The following CDV3 variants were observed in gnomAD, a reference collection of about 807,000 sequenced individuals.
CDV3 encodes the protein CDV3 homolog.
Under a neutral mutation model 24.5 loss-of-function variants are expected in CDV3, and 14 were observed. The observed-to-expected ratio is 0.57, with a 90% CI of 0.38 to 0.89. The LOEUF is 0.89. Ranked by LOEUF, CDV3 falls within the 40% of genes least tolerant of loss-of-function variation. The pLI is 0.00. For missense variants in CDV3, 304 were observed against 310.2 expected (o/e 0.98, Z 0.15); for synonymous variants, 114 against 114.1 (o/e 1.00, Z 0.00).
Position 133,574,199 on chromosome 3 carries a change from C to T in CDV3, c.155C>T (p.Ala52Val), listed in dbSNP as rs915603108. 40 of 1,016,428 alleles carry T rather than the reference C, an allele frequency of 3.9e-5. No individual in the cohort carries two copies. The highest frequency in any genetic ancestry group is 4.3e-5 in the Non-Finnish European group (37 of 854,996). The allele number at this position is 1,016,428 out of a possible 1,614,324, so 63.0% of individuals were successfully genotyped here. A position where few individuals can be genotyped will look rare whatever the true frequency, so the allele number is the denominator to read the frequency against. ...SGAAGAAGGG[A>V]GAGTRPGDGG... ...GCCGCGGGTGCGGCGGGCGGCGGGG[C>T]GGGCGCGGGGACCCGGCCGGGTGAC... Residue 52 changes from alanine to valine, a missense_variant, in exon 1 of 5, where the codon GCG (alanine) becomes GTG (valine). Physicochemically the swap from Ala to Val is moderately conservative, Grantham distance 64 (BLOSUM62 0). Around this residue, in one of 3 missense-constraint regions of CDV3, gnomAD observed 219 missense variants for 203.6 expected, o/e 1.08. Transcript: ENST00000264993.
rs774338355 is a variant in CDV3 at position 133,586,713 on chromosome 3, A to T, written c.617A>T (p.Glu206Val). 9.4e-6 allele frequency: 15 copies of T among 1,590,384 alleles called. No homozygotes were observed. Among genetic ancestry groups the T allele is most frequent in the Non-Finnish European group, 1.2e-5 (14 of 1,158,722 alleles). ...CTGCAGTCAACTGCCAAGCATGTAG[A>T]AAGCCGGAAGTAAGTACTATAATTA... ...PSLQSTAKHV[E>V]SRKDKEMEKS... The change falls in exon 4 of 5, where the codon GAA (glutamate) becomes GTA (valine). Residue 206 changes from glutamate to valine, a missense_variant. Transcript: ENST00000264993.
At chr3:133,582,700 C>T (rs554101324) in intron 2 of CDV3, among the ~76,000 whole-genome samples, 1 of 151,916 alleles carries the variant, frequency 6.6e-6, no homozygotes, top group African/African-American at 2.4e-5. Flanking sequence ...GGGAACCAGC[C>T]TTTTTTTTAT....
chr3:133,583,937 C>CG (rs1933323027), intron 2 of CDV3, 65 bp from the exon 3 acceptor site: 1 of 1,190,908 alleles, frequency 8.4e-7, no homozygotes, highest in African/African-American at 1.5e-5. Flanking sequence ...ATGGATAAAA[C>CG]TAACGATTTG....
At chr3:133,585,609 C>T (rs1179055431) in intron 3 of CDV3, among the ~76,000 whole-genome samples, 1 of 152,074 alleles carries the variant, frequency 6.6e-6, no homozygotes, top group African/African-American at 2.4e-5. Context: ...ATTCTCCTGC[C>T]TCAGCCTCCC....
intron 2 of CDV3, among the ~76,000 whole-genome samples, chr3:133,575,493 A>G (rs2074770772): frequency 6.6e-6 from 1 of 152,236 alleles, no homozygotes. Context: ...GCAAGTGAAT[A>G]TATGTTTTTG....
chr3:133,574,241 C>CG lies in CDV3; in HGVS notation c.202dup (p.Ala68GlyfsTer17). The CG allele has an allele frequency of 2.0e-6, 2 of 991,460 alleles. No homozygotes were observed. The highest frequency in any genetic ancestry group is 2.4e-6 in the Non-Finnish European group (2 of 835,022). The allele number at this position is 991,460 out of a possible 1,614,324, so 61.4% of individuals were successfully genotyped here. On this transcript the variant is annotated frameshift_variant, in exon 1 of 5. Transcript: ENST00000264993. LOFTEE classifies it high-confidence loss of function. ...CCGGGTGACGGCGGGACCGCCAGCGCGGGGGCTGCGGGCCCAGGGGCCGCC... is the reference window on the plus strand; with the variant it reads ...CCGGGTGACGGCGGGACCGCCAGCGCGGGGGGCTGCGGGCCCAGGGGCCGCC...
At chr3:133,574,704 C>G (rs1020008261) in intron 1 of CDV3, 3 of 1,094,044 alleles carry the variant, frequency 2.7e-6, no homozygotes, top group African/African-American at 1.7e-5. Flanking sequence ...GACTTAGTCT[C>G]TAAGCCCGTG....
At chr3:133,587,629 CA>C in intron 4 of CDV3, 1 of 1,165,446 alleles carries the variant, frequency 8.6e-7, no homozygotes, top group Non-Finnish European at 1.1e-6. Context: ...CAGCTTTTAA[CA>C]GTTTTCTTCA....
At position 133,574,167 on chromosome 3, in the gene CDV3, C is replaced by A; in HGVS notation, c.123C>A (p.Ser41Arg). The change falls in exon 1 of 5, where the codon AGC becomes AGA. Residue 41 changes from serine to arginine, a missense_variant. By Grantham distance (110) the Ser-to-Arg change is moderately radical. Around this residue, in one of 3 missense-constraint regions of CDV3, gnomAD observed 219 missense variants for 203.6 expected, o/e 1.08. Coordinates refer to ENST00000264993, the MANE Select transcript of CDV3 (RefSeq NM_017548.5). The stretch of plus-strand genomic sequence containing the variant: ...GCGCAGCGGGCAGCGCCGGCGGAAG[C>A]AGTGGAGCCGCGGGTGCGGCGGGCG... ...AAGAAGSAGG[S>R]SGAAGAAGGG... 3 of 1,106,698 alleles carry A rather than the reference C, an allele frequency of 2.7e-6. No homozygotes were observed. The highest frequency in any genetic ancestry group is 8.7e-5 in the East Asian group (1 of 11,448). 68.6% of individuals were successfully genotyped at this position (1,106,698 alleles called of 1,614,324 possible).
intron 1 of CDV3, chr3:133,574,774 A>G (rs3821508): frequency 0.61 from 669,552 of 1,091,856 alleles, 214,399 homozygotes; most frequent in East Asian, 0.65. Context: ...TGAAATTCCT[A>G]TTGACTTCTT....
intron 2 of CDV3, among the ~76,000 whole-genome samples, chr3:133,577,142 G>A (rs774667550): frequency 8.6e-5 from 13 of 151,834 alleles, no homozygotes; most frequent in Middle Eastern, 6.8e-3. Context: ...CACAGCACCC[G>A]GCCTAGACTA....
intron 2 of CDV3, among the ~76,000 whole-genome samples, chr3:133,576,981 G>A (rs2074840277): frequency 1.3e-5 from 2 of 151,068 alleles, no homozygotes; most frequent in Admixed American, 1.3e-4. Context: ...CCGAGTAGCT[G>A]GGATTACAGG....
chr3:133,574,574 A>G (rs1027195183), intron 1 of CDV3: 3 of 990,194 alleles, frequency 3.0e-6, no homozygotes, highest in African/African-American at 1.7e-5. Flanking sequence ...AGTGCCCAGC[A>G]CAGAGCAGCG....
intron 2 of CDV3, among the ~76,000 whole-genome samples, chr3:133,581,686 C>T (rs1243603080): frequency 2.0e-5 from 3 of 152,180 alleles, no homozygotes; most frequent in Admixed American, 1.3e-4. Context: ...GAATCTGCTC[C>T]TAATTGCTTG....
At chr3:133,574,316 C>G in intron 1 of CDV3, 32 bp downstream of exon 1, 1 of 944,878 alleles carries the variant, frequency 1.1e-6, no homozygotes, top group Non-Finnish European at 1.3e-6. Flanking sequence ...ACTCGGGGCC[C>G]GGGCCGCGCG....
At chr3:133,584,900 A>T (rs1045767185) in intron 3 of CDV3, among the ~76,000 whole-genome samples, 1 of 152,156 alleles carries the variant, frequency 6.6e-6, no homozygotes, top group African/African-American at 2.4e-5. Flanking sequence ...TAGGAAACAG[A>T]TGTCTGAAAG....
Position 133,588,161 on chromosome 3 carries a change from T to C in CDV3, c.*115T>C. On this transcript the variant is annotated 3_prime_UTR_variant, in exon 5 of 5. Coordinates refer to ENST00000264993, the MANE Select transcript of CDV3 (RefSeq NM_017548.5). ...CAGACACCGATGCAGACCACTCGAT[T>C]TCATGACCGGCCCTATTGCACTATG... The C allele has an allele frequency of 1.3e-6, 2 of 1,549,088 alleles. No homozygotes were observed. Among genetic ancestry groups the C allele is most frequent in the East Asian group, 4.6e-5 (2 of 43,858 alleles).
At chr3:133,576,884 G>A (rs1208759795) in intron 2 of CDV3, among the ~76,000 whole-genome samples, 1 of 89,680 alleles carries the variant, frequency 1.1e-5, no homozygotes, top group African/African-American at 4.7e-5. Flanking sequence ...TTTCCCTCTT[G>A]TTGCCCAGGC....
intron 3 of CDV3, among the ~76,000 whole-genome samples, chr3:133,585,903 ACT>A (rs1467039831): frequency 6.6e-6 from 1 of 152,166 alleles, no homozygotes; most frequent in African/African-American, 2.4e-5. Flanking sequence ...ATTCATATTT[ACT>A]GGTAGGGAAA....
Sources: gnomAD v4.1 joint callset for allele counts (sites outside exome capture counted in the v4.1 genomes callset) on GRCh38, gnomAD v4.1.1 for gene constraint, gnomAD v4.1.1 regional missense constraint, MANE v1.5 for transcripts, NCBI Gene and HGNC (gene_info 2026-07-23, HGNC 2026-07-21) for gene names.